ZNF74: variants seen among roughly 807,000 people sequenced by gnomAD.
The protein encoded by ZNF74 is zinc finger protein 520.
Under a neutral mutation model 17.7 loss-of-function variants are expected in ZNF74, and 12 were observed. The observed-to-expected ratio is 0.68, with a 90% CI of 0.43 to 1.10. The LOEUF is 1.10. Among genes scored for constraint, ZNF74 ranks in the 50% least tolerant of loss-of-function variants. ZNF74 has a pLI of 0.00. For missense variants in ZNF74, 811 were observed against 881.0 expected (o/e 0.92, Z 1.01); for synonymous variants, 358 against 362.1 (o/e 0.99, Z 0.13).
In ZNF74 at chr22:20,406,176, C is replaced by T. The variant is rs753518856; in HGVS notation, c.1143C>T (p.Ile381=). 1.2e-6 allele frequency: 2 copies of T among 1,613,678 alleles called. No individual in the cohort carries two copies. Among genetic ancestry groups the T allele is most frequent in the East Asian group, 4.5e-5 (2 of 44,862 alleles). The change falls in exon 5 of 5, where the codon ATC becomes ATT. Residue 381 remains isoleucine, a synonymous_variant. Coordinates refer to ENST00000400451, the MANE Select transcript of ZNF74 (RefSeq NM_003426.4). ...QRTHLTRHHR[I]HTGEKPYQCG... Reference sequence around the variant, plus strand: ...CACACCTCACACGCCACCACCGCATCCACACGGGCGAGAAGCCCTACCAGT... The same window carrying T: ...CACACCTCACACGCCACCACCGCATTCACACGGGCGAGAAGCCCTACCAGT...
In ZNF74 at chr22:20,401,532, G is replaced by GA. The variant is rs1196766167; in HGVS notation, c.343+160_343+161insA. Reference sequence around the variant, plus strand: ...CCTGCCTCCCTTCAGCACGTACTGAGCACTGCCTGTGTGCTGAGACCTGTT... The same window carrying GA: ...CCTGCCTCCCTTCAGCACGTACTGAGACACTGCCTGTGTGCTGAGACCTGTT... On this transcript the variant is annotated intron_variant, in intron 4 of 4. Coordinates refer to ENST00000400451, the MANE Select transcript of ZNF74 (RefSeq NM_003426.4). The surrounding 1 kb of genome is among the most constrained non-coding windows in gnomAD (Gnocchi z 4.2). Among the ~76,000 whole-genome samples, 5 of 152,322 alleles carry GA rather than the reference G, an allele frequency of 3.3e-5. No individual in the cohort carries two copies. In the East Asian group the frequency reaches 9.6e-4, roughly 29 times the overall value.
Position 20,405,397 on chromosome 22 carries a change from C to T in ZNF74, c.364C>T (p.Pro122Ser), listed in dbSNP as rs2052402246. ...TACAGAATGGGAGCTGAAGGCGGTG[C>T]CCTCTCAACAGCAGGGCATTTGCAA... ...PCPEWELKAVPSQQQGICKEE... is the reference protein window; with the variant it reads ...PCPEWELKAVSSQQQGICKEE... The change falls in exon 5 of 5, where the codon CCC becomes TCC. Residue 122 changes from proline to serine, a missense_variant. Physicochemically the swap from Pro to Ser is moderately conservative, Grantham distance 74. Transcript: ENST00000400451. The T allele has an allele frequency of 1.2e-6, 2 of 1,608,270 alleles. No individual in the cohort carries two copies. The highest frequency in any genetic ancestry group is 1.7e-5 in the Admixed American group (1 of 57,766).
At position 20,400,799 on chromosome 22, in the gene ZNF74, CCTT is replaced by C. The variant is rs1341933472; in HGVS notation, c.247+47_247+49del. The C allele has an allele frequency of 4.4e-6, 7 of 1,606,190 alleles. No individual in the cohort carries two copies. The South Asian group carries it at 6.6e-5, about 15-fold the overall frequency. ...CCCCAGGCTGGGCGTCGGCTGTCAG[CCTT>C]CTTCTACATGGTAGATATTAAGGAG... On this transcript the variant is annotated intron_variant, in intron 3 of 4. Coordinates refer to ENST00000400451, the MANE Select transcript of ZNF74 (RefSeq NM_003426.4).
rs1293494669 is a variant in ZNF74, at chr22:20,405,757, G to A, written c.724G>A (p.Gly242Ser). The A allele has an allele frequency of 1.2e-6, 2 of 1,605,850 alleles. No individual in the cohort carries two copies. The highest frequency in any genetic ancestry group is 8.5e-7 in the Non-Finnish European group (1 of 1,176,688). Residue 242 changes from glycine to serine, a missense_variant, in exon 5 of 5, where the codon GGC becomes AGC. Transcript: ENST00000400451. The stretch of plus-strand genomic sequence containing the variant: ...CCAGGTGCGCCGGCAGCGCGGGGCG[G>A]GCGCCGGGGAGGGCGAGTTCGTGTG... ...FPQVRRQRGA[G>S]AGEGEFVCGE...
At chr22:20,400,474 A>T in intron 2 of ZNF74, 158 bp from the exon 3 acceptor site, 1 of 771,738 alleles carries the variant, frequency 1.3e-6, no homozygotes, top group Non-Finnish European at 2.2e-6. Flanking sequence ...CTGGTCCCCG[A>T]ATTCAGTCAT....
At position 20,405,462 on chromosome 22, in the gene ZNF74, C is replaced by A; in HGVS notation, c.429C>A (p.Leu143=). 6.2e-7 allele frequency: 1 copy of A among 1,612,512 alleles called. No individual in the cohort carries two copies. The highest frequency in any genetic ancestry group is 1.3e-5 in the African/African-American group (1 of 74,986). Residue 143 remains leucine, a synonymous_variant, in exon 5 of 5, where the codon CTC becomes CTA. Transcript: ENST00000400451. ...PAQEPIMERP[L]GGAQAWGRQA... ...AGGAGCCCATCATGGAGCGGCCCCTCGGCGGGGCGCAGGCGTGGGGGCGCC... is the reference window on the plus strand; with the variant it reads ...AGGAGCCCATCATGGAGCGGCCCCTAGGCGGGGCGCAGGCGTGGGGGCGCC...
chr22:20,400,831 CCCTT>C, intron 3 of ZNF74, 73 bp downstream of exon 3: 1 of 1,530,032 alleles, frequency 6.5e-7, no homozygotes, highest in Non-Finnish European at 8.9e-7. Flanking sequence ...TAAGGAGAAT[CCCTT>C]CAGTGCCGGC....
Position 20,405,682 on chromosome 22 carries a change from CTG to C in ZNF74, c.654_655del (p.Ala219ArgfsTer9). On this transcript the variant is annotated frameshift_variant, in exon 5 of 5. Coordinates refer to ENST00000400451, the MANE Select transcript of ZNF74 (RefSeq NM_003426.4). LOFTEE classifies it low-confidence loss of function (END_TRUNC). Reference protein sequence around the residue: ...TEGRTKAPARLCAGENASTPS... With the variant: ...TEGRTKAPARXCAGENASTPS... The stretch of plus-strand genomic sequence containing the variant: ...GGGCAGAACCAAGGCCCCCGCGAGA[CTG>C]TGTGCAGGGGAAAACGCCTCCACGC... 6.2e-7 allele frequency: 1 copy of C among 1,609,736 alleles called. No individual in the cohort carries two copies. Among genetic ancestry groups the C allele is most frequent in the Non-Finnish European group, 8.5e-7 (1 of 1,178,084 alleles).
rs531746444 is a variant in ZNF74, at chr22:20,401,314, G to A, written c.285G>A (p.Leu95=). The change falls in exon 4 of 5, where the codon CTG becomes CTA. Residue 95 remains leucine (L), a synonymous_variant. Coordinates refer to ENST00000400451, the MANE Select transcript of ZNF74 (RefSeq NM_003426.4). The surrounding 1 kb of genome is among the most constrained non-coding windows in gnomAD (Gnocchi z 4.2). The part of the protein sequence containing the change: ...PLHKPDVISH[L]ERGEEPWSMQ... ...ACAAGCCAGATGTGATCTCTCATCTGGAACGAGGCGAGGAGCCATGGAGCA... is the reference window on the plus strand; with the variant it reads ...ACAAGCCAGATGTGATCTCTCATCTAGAACGAGGCGAGGAGCCATGGAGCA... 11 of 1,611,838 alleles carry A rather than the reference G, an allele frequency of 6.8e-6. No homozygotes were observed. Among genetic ancestry groups the A allele is most frequent in the African/African-American group, 2.7e-5 (2 of 74,864 alleles).
intron 4 of ZNF74, among the ~76,000 whole-genome samples, chr22:20,403,124 G>A (rs1241712073): frequency 6.6e-6 from 1 of 151,840 alleles, no homozygotes. Flanking sequence ...CTGCTGTGTT[G>A]TTGGCCCTAT....
At chr22:20,403,723 T>C (rs1355234208) in intron 4 of ZNF74, among the ~76,000 whole-genome samples, 1 of 152,104 alleles carries the variant, frequency 6.6e-6, no homozygotes, top group Non-Finnish European at 1.5e-5. Context: ...GAGCTGTGAT[T>C]GCACCCCTGC....
In ZNF74 at chr22:20,405,705, C is replaced by T; in HGVS notation, c.672C>T (p.Ser224=). ...GACTGTGTGCAGGGGAAAACGCCTC[C>T]ACGCCAAGTGAGCCAGAAAAGTTCC... ...PARLCAGENA[S]TPSEPEKFPQ... Residue 224 remains serine, a synonymous_variant, in exon 5 of 5, where the codon TCC becomes TCT. Coordinates refer to ENST00000400451, the MANE Select transcript of ZNF74 (RefSeq NM_003426.4). The T allele has an allele frequency of 6.2e-7, 1 of 1,604,950 alleles. No homozygotes were observed. Among genetic ancestry groups the T allele is most frequent in the South Asian group, 1.1e-5 (1 of 90,242 alleles).
rs549143821 is a variant in ZNF74 at position 20,397,207 on chromosome 22, G to A, written c.120+1789G>A. 3.2e-4 allele frequency among the ~76,000 whole-genome samples: 48 copies of A among 152,034 alleles called. No homozygotes were observed. In the Middle Eastern group the frequency reaches 0.01, roughly 32 times the overall value. On this transcript the variant is annotated intron_variant, in intron 2 of 4. Transcript: ENST00000400451. ...ATCCCCCACCTCGGCCTCCTAAGTA[G>A]TTGGGACCAACGTGTGTGCCCCCAC...
intron 2 of ZNF74, 160 bp from the exon 3 acceptor site, chr22:20,400,472 C>T (rs1214022638): frequency 1.3e-5 from 10 of 783,928 alleles, no homozygotes; most frequent in South Asian, 3.3e-5. Context: ...CCCTGGTCCC[C>T]GAATTCAGTC....
intron 2 of ZNF74, among the ~76,000 whole-genome samples, chr22:20,396,211 A>G (rs1413229435): frequency 6.6e-6 from 1 of 151,860 alleles, no homozygotes; most frequent in Non-Finnish European, 1.5e-5. Context: ...CTGCCACTCA[A>G]AAGAGGTGAT....
chr22:20,403,579 C>T (rs1200265952), intron 4 of ZNF74, among the ~76,000 whole-genome samples: 2 of 152,208 alleles, frequency 1.3e-5, no homozygotes, highest in East Asian at 1.9e-4. Flanking sequence ...CTGGCTCCAA[C>T]CACCTTACAC....
At position 20,407,617 on chromosome 22, in the gene ZNF74, A is replaced by G. The variant is rs2052447386; in HGVS notation, c.*649A>G. 1 of 152,276 alleles carries G rather than the reference A, an allele frequency of 6.6e-6. No individual in the cohort carries two copies. Among genetic ancestry groups the G allele is most frequent in the Non-Finnish European group, 1.5e-5 (1 of 68,076 alleles). 9.4% of individuals were successfully genotyped at this position (152,276 alleles called of 1,614,324 possible). A position where few individuals can be genotyped will look rare whatever the true frequency, so the allele number is the denominator to read the frequency against. On this transcript the variant is annotated 3_prime_UTR_variant, in exon 5 of 5. Transcript: ENST00000400451. ...CGGACGGGCTCCTGACACGGCTTTA[A>G]TCAGGAGTTTCCTCCATAAACTATT...
rs2052426228 is a variant in ZNF74, at chr22:20,406,327, A to T, written c.1294A>T (p.Thr432Ser). The change falls in exon 5 of 5, where the codon ACC (threonine) becomes TCC (serine). Residue 432 changes from threonine to serine, a missense_variant. Thr to Ser is a moderately conservative substitution (Grantham distance 58). Coordinates refer to ENST00000400451, the MANE Select transcript of ZNF74 (RefSeq NM_003426.4). ...GGCCTTCAACAGCCGCTCGCGCCTC[A>T]CCCTCCACCAGAGGACGCACACGGG... is the stretch of plus-strand genomic sequence containing the variant. ...EKAFNSRSRLTLHQRTHTGEK... is the reference protein window; with the variant it reads ...EKAFNSRSRLSLHQRTHTGEK... The T allele has an allele frequency of 4.3e-6, 7 of 1,611,782 alleles. No individual in the cohort carries two copies. The highest frequency in any genetic ancestry group is 5.9e-6 in the Non-Finnish European group (7 of 1,179,692).
intron 4 of ZNF74, among the ~76,000 whole-genome samples, chr22:20,402,298 G>A (rs1176414464): frequency 6.6e-6 from 1 of 152,094 alleles, no homozygotes; most frequent in Non-Finnish European, 1.5e-5. Context: ...TCTCACCCCA[G>A]CCTCTGATGC....
Sources: allele counts gnomAD v4.1 joint callset (sites outside exome capture counted in the v4.1 genomes callset), GRCh38; gene constraint gnomAD v4.1.1; non-coding constraint Gnocchi (gnomAD v3.1); transcripts MANE v1.5; gene names NCBI Gene and HGNC (gene_info 2026-07-23, HGNC 2026-07-21).